KCNT2: variants seen among roughly 807,000 people sequenced by gnomAD.
KCNT2 encodes the protein potassium channel subfamily T member 2.
KCNT2 carries 67 observed loss-of-function variants against 153.8 expected under a neutral mutation model. That is an observed-to-expected ratio of 0.44 (90% CI 0.36 to 0.53). KCNT2 has a LOEUF of 0.53. KCNT2 is among the 20% of genes least tolerant of loss of function. The pLI is 0.00. For synonymous variants in KCNT2, 500 were observed against 458.8 expected (o/e 1.09, Z -1.15); for missense variants, 975 against 1,354.8 (o/e 0.72, Z 4.40).
chr1:196,421,808 G>A (rs1673227896), intron 12 of KCNT2, among the ~76,000 whole-genome samples: 2 of 151,992 alleles, frequency 1.3e-5, no homozygotes, highest in African/African-American at 4.8e-5. Flanking sequence ...GTTGTTGGCA[G>A]GGTTGGATCT....
rs938168726 is a variant in KCNT2, at chr1:196,302,475, G to T, written c.2595+2759C>A. Among the ~76,000 whole-genome samples the T allele has an allele frequency of 5.9e-5, 9 of 152,154 alleles. No homozygotes were observed. In the South Asian group the frequency reaches 1.7e-3, roughly 28 times the overall value. ...GAGGCAAGAAGTCTGAAATAAAGAT[G>T]TTGTCAAGATTGGTTCCTTCTGAGG... On this transcript the variant is annotated intron_variant, in intron 22 of 27. Transcript: ENST00000294725.
intron 1 of KCNT2, among the ~76,000 whole-genome samples, chr1:196,560,341 T>C (rs542865597): frequency 3.9e-4 from 60 of 152,050 alleles, no homozygotes; most frequent in Admixed American, 2.6e-3. Flanking sequence ...GATTTTGGTG[T>C]TGTAAGGACA....
chr1:196,602,451 T>A (rs1388190980), intron 1 of KCNT2, among the ~76,000 whole-genome samples: 3 of 152,188 alleles, frequency 2.0e-5, no homozygotes, highest in East Asian at 1.9e-4. Context: ...TGGAACATAA[T>A]ACCGAATGTG....
At chr1:196,351,312 G>A (rs1311643949) in intron 14 of KCNT2, among the ~76,000 whole-genome samples, 7 of 152,094 alleles carry the variant, frequency 4.6e-5, no homozygotes, top group Non-Finnish European at 1.0e-4. Context: ...CCATTTTCAC[G>A]ATATTAATTC....
intron 1 of KCNT2, among the ~76,000 whole-genome samples, chr1:196,537,542 T>C (rs562582487): frequency 6.6e-6 from 1 of 152,300 alleles, no homozygotes; most frequent in South Asian, 2.1e-4. Flanking sequence ...ACATGGGACC[T>C]CCAGTTGTGG....
intron 5 of KCNT2, among the ~76,000 whole-genome samples, chr1:196,470,884 T>C (rs1182128986): frequency 9.5e-5 from 13 of 137,046 alleles, no homozygotes; most frequent in African/African-American, 2.7e-4. Context: ...TTCTTTTTTT[T>C]TTTTTTTTTT....
chr1:196,405,999 T>C (rs1228436623), intron 12 of KCNT2, among the ~76,000 whole-genome samples: 1 of 151,520 alleles, frequency 6.6e-6, no homozygotes, highest in Non-Finnish European at 1.5e-5. Context: ...TATAAACAAT[T>C]CTTGCCAAAT....
At chr1:196,503,236 C>T (rs532514101) in intron 1 of KCNT2, among the ~76,000 whole-genome samples, 1 of 151,992 alleles carries the variant, frequency 6.6e-6, no homozygotes, top group East Asian at 1.9e-4. Flanking sequence ...CCACTCCTTC[C>T]CATTATTTAT....
At chr1:196,389,940 T>A (rs963193391) in intron 13 of KCNT2, among the ~76,000 whole-genome samples, 6 of 151,644 alleles carry the variant, frequency 4.0e-5, no homozygotes, top group African/African-American at 1.4e-4. Flanking sequence ...CCACCCTGTC[T>A]GAGCACTGAG....
At chr1:196,605,331 G>C (rs1381522307) in intron 1 of KCNT2, among the ~76,000 whole-genome samples, 1 of 152,192 alleles carries the variant, frequency 6.6e-6, no homozygotes, top group Non-Finnish European at 1.5e-5. Flanking sequence ...AAAGCTTTCA[G>C]TATTAAGCCA....
chr1:196,544,413 A>G (rs1013260682), intron 1 of KCNT2, among the ~76,000 whole-genome samples: 3 of 151,992 alleles, frequency 2.0e-5, no homozygotes, highest in Non-Finnish European at 2.9e-5. Context: ...CCAGAGATAC[A>G]AACGAATGTT....
At chr1:196,472,972 A>T (rs1292947022) in intron 5 of KCNT2, among the ~76,000 whole-genome samples, 1 of 152,204 alleles carries the variant, frequency 6.6e-6, no homozygotes, top group Non-Finnish European at 1.5e-5. Context: ...AAAGACAAAA[A>T]TGTGATTATA....
At chr1:196,478,145 G>A (rs929130272) in intron 5 of KCNT2, among the ~76,000 whole-genome samples, 1 of 151,942 alleles carries the variant, frequency 6.6e-6, no homozygotes, top group African/African-American at 2.4e-5. Context: ...CCTTCTCTTC[G>A]CCTATCTCAA....
At chr1:196,523,156 C>T (rs1204398834) in intron 1 of KCNT2, among the ~76,000 whole-genome samples, 2 of 152,046 alleles carry the variant, frequency 1.3e-5, no homozygotes, top group Non-Finnish European at 2.9e-5. Flanking sequence ...CAACTCTGGA[C>T]GCACCACCTT....
chr1:196,447,890 C>A (rs559803447), intron 8 of KCNT2, among the ~76,000 whole-genome samples: 2 of 151,114 alleles, frequency 1.3e-5, no homozygotes, highest in East Asian at 2.0e-4. Context: ...GTCAGGCCAC[C>A]GAGAGCAGGA....
At chr1:196,363,814 A>C (rs1208832371) in intron 14 of KCNT2, among the ~76,000 whole-genome samples, 1 of 152,186 alleles carries the variant, frequency 6.6e-6, no homozygotes, top group Admixed American at 6.6e-5. Context: ...AAATTTACTA[A>C]GACATGTTTG....
chr1:196,304,630 C>T (rs1661465548), intron 22 of KCNT2, among the ~76,000 whole-genome samples: 1 of 152,132 alleles, frequency 6.6e-6, no homozygotes, highest in Admixed American at 6.5e-5. Context: ...ACCATCTACA[C>T]CCACACTCAG....
intron 1 of KCNT2, among the ~76,000 whole-genome samples, chr1:196,505,559 TG>T (rs1442015974): frequency 6.6e-6 from 1 of 151,858 alleles, no homozygotes; most frequent in East Asian, 1.9e-4. Flanking sequence ...ATTGACTTGG[TG>T]ATGCGGGCTC....
At chr1:196,250,908 A>C (rs1398498009) in intron 26 of KCNT2, among the ~76,000 whole-genome samples, 1 of 152,178 alleles carries the variant, frequency 6.6e-6, no homozygotes, top group African/African-American at 2.4e-5. Context: ...AAGACAAATC[A>C]AAACTACCAT....
Sources: gnomAD v4.1 joint callset for allele counts (sites outside exome capture counted in the v4.1 genomes callset) on GRCh38, gnomAD v4.1.1 for gene constraint, MANE v1.5 for transcripts, NCBI Gene and HGNC (gene_info 2026-07-23, HGNC 2026-07-21) for gene names.